The following MOSPD2 variants were observed in gnomAD, a reference collection of about 807,000 sequenced individuals.
The protein encoded by MOSPD2 is motile sperm domain containing 2.
In MOSPD2, 5 loss-of-function variants were observed where a neutral mutation model predicts 41.7. The observed-to-expected ratio is 0.12, with a 90% CI of 0.06 to 0.25. The LOEUF is 0.25. Ranked by LOEUF, MOSPD2 falls within the 10% of genes least tolerant of loss-of-function variation. MOSPD2 has a pLI of 1.00. For synonymous variants in MOSPD2, 115 were observed against 126.9 expected (o/e 0.91, Z 0.63); for missense variants, 282 against 375.2 (o/e 0.75, Z 2.05).
intron 5 of MOSPD2, among the ~76,000 whole-genome samples, chrX:14,899,561 TACATACACACACACACACACAC>T (rs2092569128): frequency 1.9e-5 from 1 of 54,040 alleles, no homozygotes; most frequent in Admixed American, 1.9e-4. Context: ...ATATATTATA[TACATACACACACACACACACAC>T]ACACACACAC....
rs775308720 is a variant in MOSPD2, at chrX:14,892,842, G to C, written c.199G>C (p.Glu67Gln). The C allele has an allele frequency of 8.3e-6, 10 of 1,208,792 alleles. No homozygotes were observed. Among genetic ancestry groups the C allele is most frequent in the Non-Finnish European group, 7.8e-6 (7 of 893,155 alleles). ...IVDETLKMLD[E>Q]SFQWRKEISV... Reference sequence around the variant, plus strand: ...AGATGAAACACTGAAGATGCTCGATGAGAGTTTTCAGTGGAGGAAAGAAAT... The same window carrying C: ...AGATGAAACACTGAAGATGCTCGATCAGAGTTTTCAGTGGAGGAAAGAAAT... The change falls in exon 3 of 15, where the codon GAG (glutamate) becomes CAG (glutamine). Residue 67 changes from glutamate to glutamine, a missense_variant. Glu to Gln is a conservative substitution (Grantham distance 29). Around this residue, in one of 3 missense-constraint regions of MOSPD2, gnomAD observed 187 missense variants for 256.6 expected, o/e 0.73. Coordinates refer to ENST00000380492, the MANE Select transcript of MOSPD2 (RefSeq NM_152581.4).
At chrX:14,875,891 T>A in intron 2 of MOSPD2, among the ~76,000 whole-genome samples, 1 of 112,239 alleles carries the variant, frequency 8.9e-6, no homozygotes, top group African/African-American at 3.2e-5. Context: ...TTGGTTTGTG[T>A]GTTTTTCATT....
chrX:14,918,651 G>A (rs751924142), intron 13 of MOSPD2, 29 bp from the exon 14 acceptor site: 3 of 992,339 alleles, frequency 3.0e-6, no homozygotes, highest in South Asian at 4.2e-5. Flanking sequence ...AACTTTTTAA[G>A]AAGTTATGTT....
chrX:14,877,955 G>A (rs1405348608), intron 2 of MOSPD2, among the ~76,000 whole-genome samples: 1 of 106,824 alleles, frequency 9.4e-6, no homozygotes, highest in Non-Finnish European at 1.9e-5. Context: ...TCCAGCCTGG[G>A]CGACAGAGCA....
chrX:14,897,852 T>C (rs963867582), intron 5 of MOSPD2, among the ~76,000 whole-genome samples: 3 of 112,323 alleles, frequency 2.7e-5, no homozygotes, highest in African/African-American at 9.7e-5. Flanking sequence ...ATTTGGGTCC[T>C]TGTGACCTTA....
intron 7 of MOSPD2, among the ~76,000 whole-genome samples, chrX:14,904,986 G>A (rs1183888172): frequency 9.0e-6 from 1 of 111,501 alleles, no homozygotes; most frequent in Non-Finnish European, 1.9e-5. Context: ...AAGGCCCCCA[G>A]ACAAACAAAG....
chrX:14,910,146 A>AT (rs746002178), intron 8 of MOSPD2, among the ~76,000 whole-genome samples: 10 of 109,950 alleles, frequency 9.1e-5, no homozygotes, highest in South Asian at 3.8e-4. Context: ...ATTTTTAAGT[A>AT]TTTTTTTTCA....
chrX:14,912,819 T>TTCCAG (rs1250335578), intron 10 of MOSPD2, among the ~76,000 whole-genome samples: 1 of 112,079 alleles, frequency 8.9e-6, no homozygotes, highest in Non-Finnish European at 1.9e-5. Flanking sequence ...ATTCAAAAGA[T>TTCCAG]TCCAGGTTGT....
Position 14,897,252 on chromosome X carries a change from C to T in MOSPD2, c.477+14C>T. On this transcript the variant is annotated intron_variant, in intron 5 of 14. Transcript: ENST00000380492. Reference sequence around the variant, plus strand: ...ATAAATAGCATTGTAAGCATTTTTTCATTCATTCCAAATCAGTGTTTATCA... The same window carrying T: ...ATAAATAGCATTGTAAGCATTTTTTTATTCATTCCAAATCAGTGTTTATCA... 2 of 1,172,014 alleles carry T rather than the reference C, an allele frequency of 1.7e-6. No homozygotes were observed. The highest frequency in any genetic ancestry group is 2.3e-6 in the Non-Finnish European group (2 of 869,195).
chrX:14,915,622 C>CA, intron 11 of MOSPD2, 46 bp from the exon 12 acceptor site: 4 of 953,804 alleles, frequency 4.2e-6, no homozygotes, highest in Admixed American at 2.6e-5. Flanking sequence ...CATTTCCCCC[C>CA]AAAAAAGCAT....
At chrX:14,900,180 C>G (rs1464664056) in intron 5 of MOSPD2, among the ~76,000 whole-genome samples, 2 of 111,665 alleles carry the variant, frequency 1.8e-5, no homozygotes, top group African/African-American at 3.2e-5. Flanking sequence ...GTATTATTAT[C>G]CCAAGTAGTC....
chrX:14,875,362 A>G (rs1364605109), intron 2 of MOSPD2, among the ~76,000 whole-genome samples: 1 of 112,300 alleles, frequency 8.9e-6, no homozygotes, highest in Non-Finnish European at 1.9e-5. Flanking sequence ...ATTCAAGGCC[A>G]TGTGTGATCT....
intron 2 of MOSPD2, among the ~76,000 whole-genome samples, chrX:14,888,198 ACACACACG>A (rs202214868): frequency 0.09 from 2,957 of 33,033 alleles, 51 homozygotes; most frequent in Non-Finnish European, 0.12. Context: ...GAATATATAC[ACACACACG>A]CACACACACA....
rs760728429 is a variant in MOSPD2, at chrX:14,892,853, G to A, written c.210G>A (p.Gln70=). Residue 70 remains glutamine, a synonymous_variant, in exon 3 of 15, where the codon CAG becomes CAA. Coordinates refer to ENST00000380492, the MANE Select transcript of MOSPD2 (RefSeq NM_152581.4). ...ETLKMLDESF[Q]WRKEISVNDL... is the part of the protein sequence containing the mutation. ...TGAAGATGCTCGATGAGAGTTTTCA[G>A]TGGAGGAAAGAAATTTCTGTCAATG... is the stretch of plus-strand genomic sequence containing the variant. The A allele has an allele frequency of 1.7e-6, 2 of 1,206,926 alleles. No homozygotes were observed. The highest frequency in any genetic ancestry group is 1.8e-5 in the South Asian group (1 of 56,714).
chrX:14,878,270 C>T (rs751304395), intron 2 of MOSPD2, among the ~76,000 whole-genome samples: 1 of 111,406 alleles, frequency 9.0e-6, no homozygotes, highest in South Asian at 3.7e-4. Context: ...TTATATTGTT[C>T]AGGCCTTTGC....
At chrX:14,876,182 A>G (rs961265097) in intron 2 of MOSPD2, among the ~76,000 whole-genome samples, 2 of 112,164 alleles carry the variant, frequency 1.8e-5, no homozygotes, top group Non-Finnish European at 3.8e-5. Flanking sequence ...AGTGATAATA[A>G]AAGGGGTGTT....
At chrX:14,916,058 A>G (rs868495208) in intron 12 of MOSPD2, 139 bp from the exon 13 acceptor site, 19 of 1,012,393 alleles carry the variant, frequency 1.9e-5, no homozygotes, top group Middle Eastern at 5.6e-4. Flanking sequence ...CACTTTTAGA[A>G]CTTTTTCCTT....
At position 14,894,661 on chromosome X, in the gene MOSPD2, T is replaced by G. The variant is rs375818248; in HGVS notation, c.236-647T>G. ...TTGTAGAGAGGTTGTCTCACTGTGTTGCCCAGGCTGGTCTCGAACTCCTGG... is the reference window on the plus strand; with the variant it reads ...TTGTAGAGAGGTTGTCTCACTGTGTGGCCCAGGCTGGTCTCGAACTCCTGG... On this transcript the variant is annotated intron_variant, in intron 3 of 14. Coordinates refer to ENST00000380492, the MANE Select transcript of MOSPD2 (RefSeq NM_152581.4). 9.0e-5 allele frequency among the ~76,000 whole-genome samples: 10 copies of G among 110,683 alleles called. No individual in the cohort carries two copies. In the East Asian group the frequency reaches 1.7e-3, roughly 19 times the overall value.
intron 13 of MOSPD2, among the ~76,000 whole-genome samples, chrX:14,917,303 CA>C (rs2092602097): frequency 8.9e-6 from 1 of 111,939 alleles, no homozygotes; most frequent in African/African-American, 3.2e-5. Context: ...CCTTTCCAGA[CA>C]GAACAACAAA....
Sources: allele counts gnomAD v4.1 joint callset (sites outside exome capture counted in the v4.1 genomes callset), GRCh38; gene constraint gnomAD v4.1.1; regional missense constraint gnomAD v4.1.1; transcripts MANE v1.5; gene names NCBI Gene and HGNC (gene_info 2026-07-23, HGNC 2026-07-21).